Variants in NYAP2 observed in about 807,000 individuals in gnomAD.
NYAP2 encodes neuronal tyrosine-phosphorylated phosphoinositide-3-kinase adapter 2.
A neutral mutation model predicts 50.4 loss-of-function variants in NYAP2; 23 were observed. That is an observed-to-expected ratio of 0.46 (90% CI 0.33 to 0.65). NYAP2 has a LOEUF of 0.65. Among genes scored for constraint, NYAP2 ranks in the 30% least tolerant of loss-of-function variants. The pLI is 0.02. For missense variants in NYAP2, 885 were observed against 861.0 expected (o/e 1.03, Z -0.35); for synonymous variants, 394 against 365.2 (o/e 1.08, Z -0.90).
At chr2:225,596,222 A>T (rs560550349) in intron 5 of NYAP2, among the ~76,000 whole-genome samples, 1 of 152,084 alleles carries the variant, frequency 6.6e-6, no homozygotes, top group African/African-American at 2.4e-5. Context: ...ATGCAATAGG[A>T]TATCCTCATT....
At chr2:225,411,889 T>C (rs1695047795) in intron 3 of NYAP2, among the ~76,000 whole-genome samples, 1 of 151,736 alleles carries the variant, frequency 6.6e-6, no homozygotes, top group South Asian at 2.1e-4. Context: ...TGGGATTATG[T>C]TCACAACAGA....
intron 5 of NYAP2, among the ~76,000 whole-genome samples, chr2:225,585,133 A>G (rs1391870647): frequency 6.6e-6 from 1 of 152,264 alleles, no homozygotes; most frequent in African/African-American, 2.4e-5. Context: ...CTAAAGTTTA[A>G]AGTTTCTTCC....
At chr2:225,578,058 A>G (rs756851056) in intron 4 of NYAP2, among the ~76,000 whole-genome samples, 12 of 151,920 alleles carry the variant, frequency 7.9e-5, no homozygotes, top group Non-Finnish European at 1.5e-4. Flanking sequence ...CAGCCTCTTG[A>G]GATACTAGGG....
rs757894425 is a variant in NYAP2 at position 225,582,479 on chromosome 2, G to A, written c.1062G>A (p.Pro354=). The change falls in exon 5 of 7, where the codon CCG becomes CCA. Residue 354 remains proline (P), a synonymous_variant. Transcript: ENST00000636099. The surrounding 1 kb of genome is among the most constrained non-coding windows in gnomAD (Gnocchi z 7.0). ...GCTCCCCCAACTCCGACGAGTCCCC[G>A]CTTACCCCTCTGGAGGTCACGAAGC... 25 of 1,119,268 alleles carry A rather than the reference G, an allele frequency of 2.2e-5. No individual in the cohort carries two copies. The highest frequency in any genetic ancestry group is 2.8e-5 in the Non-Finnish European group (24 of 865,354). The allele number at this position is 1,119,268 out of a possible 1,614,324, so 69.3% of individuals were successfully genotyped here.
At chr2:225,695,583 G>A in the NYAP2 span, among the ~76,000 whole-genome samples, 1 of 151,724 alleles carries the variant, frequency 6.6e-6, no homozygotes, top group Non-Finnish European at 1.5e-5. Context: ...CCACCAAGAT[G>A]AGTGAGATTT....
chr2:225,474,214 C>T (rs1042384693), intron 3 of NYAP2, among the ~76,000 whole-genome samples: 7 of 152,076 alleles, frequency 4.6e-5, no homozygotes, highest in African/African-American at 1.7e-4. Context: ...TTACTGTAGC[C>T]TTGTAGTATA....
rs869150087 is a variant in NYAP2 at position 225,512,835 on chromosome 2, C to CTCTT, written c.222-519_222-516dup. Among the ~76,000 whole-genome samples the CTCTT allele has an allele frequency of 3.4e-3, 197 of 58,802 alleles. 4 individuals carry two copies. The highest frequency in any genetic ancestry group is 3.6e-3 in the Non-Finnish European group (88 of 24,270). The allele number at this position is 58,802 out of a possible 152,430, so 38.6% of individuals were successfully genotyped here. A position where few individuals can be genotyped will look rare whatever the true frequency, so the allele number is the denominator to read the frequency against. On this transcript the variant is annotated intron_variant, in intron 3 of 6. Coordinates refer to ENST00000636099, the Ensembl canonical transcript of NYAP2. ...TTTCTTTCTTTCTCTCTCTCTCTCT[C>CTCTT]TCTTTCTTTCTTTCTTTCTTCCTTC...
intron 6 of NYAP2, among the ~76,000 whole-genome samples, chr2:225,627,432 A>T (rs1295610810): frequency 1.3e-5 from 2 of 152,226 alleles, no homozygotes; most frequent in Non-Finnish European, 2.9e-5. Flanking sequence ...GGCCTCATCT[A>T]AAGCAGTTTT....
At chr2:225,478,488 T>C (rs1306247760) in intron 3 of NYAP2, among the ~76,000 whole-genome samples, 1 of 152,214 alleles carries the variant, frequency 6.6e-6, no homozygotes, top group Non-Finnish European at 1.5e-5. Context: ...TGGTCATAAA[T>C]CTTGTGAGTT....
intron 5 of NYAP2, among the ~76,000 whole-genome samples, 198 bp downstream of exon 5, chr2:225,583,233 G>T (rs554181417): frequency 6.6e-6 from 1 of 152,256 alleles, no homozygotes; most frequent in South Asian, 2.1e-4. Context: ...ATTAAAAATG[G>T]CAGTCTGCAA....
At chr2:225,634,135 C>T (rs1206315767) in intron 6 of NYAP2, among the ~76,000 whole-genome samples, 4 of 152,134 alleles carry the variant, frequency 2.6e-5, no homozygotes, top group African/African-American at 7.2e-5. Flanking sequence ...TTCCTTAGCA[C>T]TAAAAGAGAA....
At chr2:225,623,354 CATAAAAGT>C (rs1272417678) in intron 5 of NYAP2, among the ~76,000 whole-genome samples, 1 of 152,196 alleles carries the variant, frequency 6.6e-6, no homozygotes, top group Non-Finnish European at 1.5e-5. Context: ...TACAACCTAT[CATAAAAGT>C]ATATTATTGT....
chr2:225,689,963 G>A, the NYAP2 span, among the ~76,000 whole-genome samples: 2 of 152,072 alleles, frequency 1.3e-5, no homozygotes, highest in East Asian at 1.9e-4. Flanking sequence ...ATCAAATTCC[G>A]GCCAATGGAA....
chr2:225,560,363 C>A (rs117148306), intron 4 of NYAP2, among the ~76,000 whole-genome samples: 2 of 152,096 alleles, frequency 1.3e-5, no homozygotes, highest in East Asian at 3.9e-4. Context: ...TTGAGAGAAA[C>A]ACTATGACAT....
intron 5 of NYAP2, among the ~76,000 whole-genome samples, chr2:225,608,637 T>C (rs1035560737): frequency 1.3e-5 from 2 of 152,132 alleles, no homozygotes; most frequent in African/African-American, 4.8e-5. Flanking sequence ...TTAAAAAAAG[T>C]ATTTGCTGTG....
At chr2:225,561,763 A>G (rs1032213810) in intron 4 of NYAP2, among the ~76,000 whole-genome samples, 6 of 152,208 alleles carry the variant, frequency 3.9e-5, no homozygotes, top group Admixed American at 1.3e-4. Flanking sequence ...TAATAAAATG[A>G]TTCTTTTTTA....
At chr2:225,665,141 T>A in the NYAP2 span, among the ~76,000 whole-genome samples, 1 of 152,138 alleles carries the variant, frequency 6.6e-6, no homozygotes, top group African/African-American at 2.4e-5. Context: ...TTACTTAACT[T>A]TATTTAGATT....
intron 5 of NYAP2, among the ~76,000 whole-genome samples, chr2:225,583,377 C>T (rs1030220670): frequency 2.6e-5 from 4 of 151,960 alleles, no homozygotes; most frequent in Non-Finnish European, 5.9e-5. Context: ...GTGCAGATAA[C>T]GCACGGAGTA....
chr2:225,398,200 G>T (rs1470861282), upstream of NYAP2, among the ~76,000 whole-genome samples: 1 of 151,932 alleles, frequency 6.6e-6, no homozygotes, highest in Non-Finnish European at 1.5e-5. Context: ...CAAAGATGAG[G>T]AGACCTGCAG....
Sources: allele counts gnomAD v4.1 joint callset (sites outside exome capture counted in the v4.1 genomes callset), GRCh38; gene constraint gnomAD v4.1.1; non-coding constraint Gnocchi (gnomAD v3.1); transcripts MANE v1.5; gene names NCBI Gene and HGNC (gene_info 2026-07-23, HGNC 2026-07-21).